The following TBX5 variants were observed in gnomAD, a reference collection of about 807,000 sequenced individuals.
TBX5 encodes T-box transcription factor 5.
In TBX5, 8 loss-of-function variants were observed where a neutral mutation model predicts 51.1. The observed-to-expected ratio is 0.16, with a 90% CI of 0.09 to 0.28. The LOEUF (loss-of-function observed/expected upper bound fraction) is 0.28. Ranked by LOEUF, TBX5 falls within the 10% of genes least tolerant of loss-of-function variation. TBX5 has a pLI of 1.00. For synonymous variants in TBX5, 302 were observed against 266.4 expected (o/e 1.13, Z -1.30); for missense variants, 589 against 671.7 (o/e 0.88, Z 1.36).
chr12:114,360,089 C>T (rs1593840798), intron 8 of TBX5, among the ~76,000 whole-genome samples: 1 of 152,208 alleles, frequency 6.6e-6, no homozygotes, highest in African/African-American at 2.4e-5. Flanking sequence ...GGTCATTTCT[C>T]TTGCCAATTC....
intron 7 of TBX5, among the ~76,000 whole-genome samples, chr12:114,379,851 C>T (rs1211336684): frequency 6.6e-6 from 1 of 152,216 alleles, no homozygotes; most frequent in Non-Finnish European, 1.5e-5. Context: ...AGATCAAAAG[C>T]TGAATAAGTA....
At chr12:114,382,115 G>T (rs934942393) in intron 7 of TBX5, among the ~76,000 whole-genome samples, 11 of 152,144 alleles carry the variant, frequency 7.2e-5, no homozygotes, top group Non-Finnish European at 1.5e-4. Flanking sequence ...ACAGTTGTGT[G>T]ACCAGCCTGG....
chr12:114,399,706 T>G, intron 3 of TBX5, 74 bp from the exon 4 acceptor site: 1 of 1,610,048 alleles, frequency 6.2e-7, no homozygotes, highest in Non-Finnish European at 8.5e-7. Context: ...TCCATCCATT[T>G]TAAGGGAAAA....
intron 7 of TBX5, among the ~76,000 whole-genome samples, chr12:114,382,537 G>A (rs11831797): frequency 0.27 from 41,674 of 151,978 alleles, 5,938 homozygotes; most frequent in South Asian, 0.37. Flanking sequence ...GGTGGCTCAC[G>A]CCTGTAATCC....
intron 6 of TBX5, among the ~76,000 whole-genome samples, chr12:114,388,675 C>T (rs1593869520): frequency 8.0e-6 from 1 of 124,382 alleles, no homozygotes; most frequent in Non-Finnish European, 1.6e-5. Context: ...TTAAAGTATC[C>T]GTGTGTGTGT....
At chr12:114,376,230 C>A (rs1870179466) in intron 7 of TBX5, among the ~76,000 whole-genome samples, 1 of 151,752 alleles carries the variant, frequency 6.6e-6, no homozygotes, top group South Asian at 2.1e-4. Flanking sequence ...CCTGAGTATC[C>A]ATGAGTGGAT....
At chr12:114,389,574 G>A (rs1242132280) in intron 6 of TBX5, among the ~76,000 whole-genome samples, 2 of 149,192 alleles carry the variant, frequency 1.3e-5, no homozygotes, top group Admixed American at 6.7e-5. Flanking sequence ...CTAAAACGGT[G>A]AAACCCCGTC....
At chr12:114,404,608 A>ACGAAT (rs1872076740) in intron 1 of TBX5, among the ~76,000 whole-genome samples, 1 of 152,068 alleles carries the variant, frequency 6.6e-6, no homozygotes, top group Non-Finnish European at 1.5e-5. Context: ...CTTTATCCCA[A>ACGAAT]CCTTAAGTAA....
chr12:114,371,027 A>G (rs918698317), intron 7 of TBX5, among the ~76,000 whole-genome samples: 2 of 152,100 alleles, frequency 1.3e-5, no homozygotes, highest in Non-Finnish European at 2.9e-5. Flanking sequence ...TCAGCCACCT[A>G]ACTAATGCTT....
intron 7 of TBX5, among the ~76,000 whole-genome samples, chr12:114,384,745 A>ACACACACACACACAACAC (rs10629159): frequency 2.6e-5 from 3 of 115,244 alleles, no homozygotes; most frequent in South Asian, 5.5e-4. Flanking sequence ...ACACACACAC[A>ACACACACACACACAACAC]ACACACACAC....
At chr12:114,361,945 C>G (rs900609966) in intron 8 of TBX5, among the ~76,000 whole-genome samples, 1 of 152,104 alleles carries the variant, frequency 6.6e-6, no homozygotes, top group Non-Finnish European at 1.5e-5. Context: ...CTCCAGGGTG[C>G]ATACCCCATT....
chr12:114,392,058 G>A (rs1871175618), intron 6 of TBX5, among the ~76,000 whole-genome samples: 1 of 151,778 alleles, frequency 6.6e-6, no homozygotes, highest in Non-Finnish European at 1.5e-5. Flanking sequence ...AGAAAAAAAA[G>A]CAATTATTGT....
At chr12:114,391,549 A>C (rs146300266) in intron 6 of TBX5, among the ~76,000 whole-genome samples, 2 of 152,324 alleles carry the variant, frequency 1.3e-5, no homozygotes, top group African/African-American at 4.8e-5. Context: ...TCACAACAAC[A>C]CTATGAGGTG....
chr12:114,358,719 G>T (rs767164063), intron 8 of TBX5, among the ~76,000 whole-genome samples: 20 of 152,058 alleles, frequency 1.3e-4, no homozygotes, highest in Non-Finnish European at 2.4e-4. Context: ...GCAGATGTTT[G>T]AAAACATCCA....
In TBX5 at chr12:114,355,664, G is replaced by C. The variant is rs199729532; in HGVS notation, c.1425C>G (p.Gly475=). ...PVVRQCGPQT[G]LQSPGTLQPP... is the part of the protein sequence containing the mutation. ...GCTGAAGGGTGCCAGGGGACTGCAG[G>C]CCAGTCTGAGGCCCACACTGCCTGA... is the stretch of plus-strand genomic sequence containing the variant. Residue 475 remains glycine, a synonymous_variant, in exon 9 of 9, where the codon GGC becomes GGG. Coordinates refer to ENST00000405440, the MANE Select transcript of TBX5 (RefSeq NM_181486.4). 107 of 1,614,184 alleles carry C rather than the reference G, an allele frequency of 6.6e-5. No individual in the cohort carries two copies. The East Asian group carries it at 2.4e-3, about 36-fold the overall frequency.
chr12:114,370,795 AT>A (rs1388772006), intron 7 of TBX5, among the ~76,000 whole-genome samples: 6 of 151,996 alleles, frequency 3.9e-5, no homozygotes, highest in Non-Finnish European at 7.4e-5. Flanking sequence ...CATTTTAAAA[AT>A]TTTTTTGTTT....
At chr12:114,379,081 G>A (rs1488998399) in intron 7 of TBX5, among the ~76,000 whole-genome samples, 1 of 152,166 alleles carries the variant, frequency 6.6e-6, no homozygotes, top group African/African-American at 2.4e-5. Context: ...TCAACTGTGG[G>A]TCACAGGAGT....
intron 3 of TBX5, 48 bp from the exon 4 acceptor site, chr12:114,399,680 G>A: frequency 1.2e-6 from 2 of 1,613,734 alleles, no homozygotes; most frequent in Non-Finnish European, 1.7e-6. Flanking sequence ...ATTAATGCCA[G>A]TATTTTAAGG....
rs1279503338 is a variant in TBX5, at chr12:114,355,659, T to A, written c.1430A>T (p.Gln477Leu). 6.2e-7 allele frequency: 1 copy of A among 1,614,174 alleles called. No homozygotes were observed. Residue 477 changes from glutamine to leucine, a missense_variant, in exon 9 of 9, where the codon CAG (glutamine) becomes CTG (leucine). Physicochemically the swap from Gln to Leu is moderately radical, Grantham distance 113. Coordinates refer to ENST00000405440, the MANE Select transcript of TBX5 (RefSeq NM_181486.4). The stretch of plus-strand genomic sequence containing the variant: ...AGGGGGCTGAAGGGTGCCAGGGGAC[T>A]GCAGGCCAGTCTGAGGCCCACACTG... ...VRQCGPQTGL[Q>L]SPGTLQPPEF...
Sources: allele counts gnomAD v4.1 joint callset (sites outside exome capture counted in the v4.1 genomes callset), GRCh38; gene constraint gnomAD v4.1.1; transcripts MANE v1.5; gene names NCBI Gene and HGNC (gene_info 2026-07-23, HGNC 2026-07-21).